COBL: variants seen among roughly 807,000 people sequenced by gnomAD.
COBL encodes the protein protein cordon-bleu.
In COBL, 51 loss-of-function variants were observed where a neutral mutation model predicts 98.8. The observed-to-expected ratio is 0.52, with a 90% confidence interval of 0.41 to 0.65. The LOEUF (loss-of-function observed/expected upper bound fraction) is 0.65. COBL is among the 30% of genes least tolerant of loss of function. COBL has a pLI of 0.00. For synonymous variants in COBL, 634 were observed against 651.7 expected, an observed-to-expected ratio of 0.97 and a Z score of 0.41; for missense variants, 1,617 against 1,617.5, an observed-to-expected ratio of 1.00 and a Z score of 0.01.
chr7:51,271,770 C>T (rs897178415), intron 1 of COBL, among the ~76,000 whole-genome samples: 11 of 152,210 alleles, frequency 7.2e-5, no homozygotes, highest in Admixed American at 2.0e-4. Flanking sequence ...TGGCTCACAC[C>T]TGTAATCCCA....
At chr7:51,295,285 C>CAAA (rs10628772) in intron 1 of COBL, among the ~76,000 whole-genome samples, 6,903 of 137,624 alleles carry the variant, frequency 0.05, 522 homozygotes, top group African/African-American at 0.17. Context: ...GACTCTGGCT[C>CAAA]AAAAAAAAAA....
At chr7:51,089,104 C>T (rs1337700570) in intron 6 of COBL, among the ~76,000 whole-genome samples, 1 of 152,182 alleles carries the variant, frequency 6.6e-6, no homozygotes, top group Non-Finnish European at 1.5e-5. Flanking sequence ...CATGTGCAAA[C>T]AAACATGTGC....
chr7:51,152,425 T>C (rs1482853244), intron 5 of COBL, among the ~76,000 whole-genome samples: 2 of 152,200 alleles, frequency 1.3e-5, no homozygotes, highest in Non-Finnish European at 2.9e-5. Context: ...CTAAGCCTCA[T>C]GAAACCCCCA....
chr7:51,133,086 C>T (rs561715026), intron 6 of COBL, among the ~76,000 whole-genome samples: 1 of 152,268 alleles, frequency 6.6e-6, no homozygotes, highest in South Asian at 2.1e-4. Context: ...AGAATTCCAG[C>T]AGCTGCCTAG....
chr7:51,169,992 G>C (rs540917440), intron 5 of COBL, among the ~76,000 whole-genome samples: 131 of 151,884 alleles, frequency 8.6e-4, no homozygotes, highest in African/African-American at 2.9e-3. Context: ...ATTAAAAATG[G>C]ATTAAAAAAA....
At chr7:51,184,444 G>A (rs1789291202) in intron 4 of COBL, among the ~76,000 whole-genome samples, 1 of 152,188 alleles carries the variant, frequency 6.6e-6, no homozygotes, top group Non-Finnish European at 1.5e-5. Flanking sequence ...CTCTGGGTGT[G>A]GTTGTGCCCT....
intron 6 of COBL, among the ~76,000 whole-genome samples, chr7:51,104,338 T>G (rs1443843556): frequency 6.6e-6 from 1 of 152,170 alleles, no homozygotes; most frequent in African/African-American, 2.4e-5. Context: ...CCAAAAAGAT[T>G]ATGAGCCAGA....
chr7:51,070,425 A>AC (rs57774327), intron 7 of COBL, among the ~76,000 whole-genome samples: 15 of 151,756 alleles, frequency 9.9e-5, no homozygotes, highest in Non-Finnish European at 1.5e-4. Context: ...ACACACACAC[A>AC]AAATTCCGAG....
chr7:51,253,496 T>C (rs937929980), intron 1 of COBL, among the ~76,000 whole-genome samples: 2 of 152,196 alleles, frequency 1.3e-5, no homozygotes, highest in Non-Finnish European at 2.9e-5. Flanking sequence ...CAAGGATCCA[T>C]GTGGGAAACT....
intron 5 of COBL, among the ~76,000 whole-genome samples, chr7:51,138,040 T>C (rs945033565): frequency 2.0e-5 from 3 of 152,226 alleles, no homozygotes; most frequent in Admixed American, 6.5e-5. Flanking sequence ...GATTTTCTTG[T>C]GCTTAAATAT....
At chr7:51,067,037 G>A (rs1190123436) in intron 7 of COBL, among the ~76,000 whole-genome samples, 1 of 152,228 alleles carries the variant, frequency 6.6e-6, no homozygotes. Flanking sequence ...ACTTCTGGGA[G>A]GCCAAAGTGG....
At chr7:51,133,494 A>C (rs986446262) in intron 6 of COBL, among the ~76,000 whole-genome samples, 15 of 152,162 alleles carry the variant, frequency 9.9e-5, no homozygotes, top group African/African-American at 3.1e-4. Context: ...GGCAGCACTT[A>C]AGATGCAAAT....
At chr7:51,065,430 A>G (rs1312939455) in intron 7 of COBL, 1 of 701,798 alleles carries the variant, frequency 1.4e-6, no homozygotes, top group Non-Finnish European at 2.6e-6. Context: ...GTCTTATCAC[A>G]GCTTCAGCTG....
intron 1 of COBL, among the ~76,000 whole-genome samples, chr7:51,246,804 T>C (rs542793052): frequency 6.6e-6 from 1 of 152,224 alleles, no homozygotes; most frequent in Non-Finnish European, 1.5e-5. Context: ...ATGGGCTTTT[T>C]TTGTGCAGAT....
intron 2 of COBL, among the ~76,000 whole-genome samples, chr7:51,218,368 T>G (rs1056881604): frequency 4.6e-5 from 7 of 152,248 alleles, no homozygotes; most frequent in Admixed American, 1.3e-4. Context: ...TTACATCACT[T>G]TTTAAAAGGC....
At chr7:51,307,808 A>G (rs35265128) in intron 1 of COBL, among the ~76,000 whole-genome samples, 51,946 of 152,120 alleles carry the variant, frequency 0.34, 9,918 homozygotes, top group South Asian at 0.44. Flanking sequence ...AAAGTGTAGC[A>G]ATTTAGAGCG....
chr7:51,184,803 G>A (rs1789335986), intron 4 of COBL, among the ~76,000 whole-genome samples: 1 of 152,178 alleles, frequency 6.6e-6, no homozygotes, highest in African/African-American at 2.4e-5. Flanking sequence ...CGACATCAGT[G>A]CAATACACCT....
At chr7:51,024,202 A>G (rs555240398) in intron 12 of COBL, among the ~76,000 whole-genome samples, 3,802 of 152,040 alleles carry the variant, frequency 0.025, 159 homozygotes, top group African/African-American at 0.087. Context: ...CCAGCTACTC[A>G]GGAGGCTGAG....
At chr7:51,058,729 G>T (rs1277382220) in intron 7 of COBL, among the ~76,000 whole-genome samples, 1 of 152,228 alleles carries the variant, frequency 6.6e-6, no homozygotes, top group Non-Finnish European at 1.5e-5. Context: ...TTCATGGAGA[G>T]GCGTGATGAG....
Sources: allele counts gnomAD v4.1 joint callset (sites outside exome capture counted in the v4.1 genomes callset), GRCh38; gene constraint gnomAD v4.1.1; transcripts MANE v1.5; gene names NCBI Gene and HGNC (gene_info 2026-07-23, HGNC 2026-07-21).